Variants in DNAH14 observed in about 807,000 individuals in gnomAD.
The protein encoded by DNAH14 is axonemal beta dynein heavy chain 14.
A neutral mutation model predicts 520.9 loss-of-function variants in DNAH14; 478 were observed. The observed-to-expected ratio is 0.92, with a 90% confidence interval of 0.85 to 0.99. The LOEUF (loss-of-function observed/expected upper bound fraction) is 0.99. Ranked by LOEUF, DNAH14 falls within the 50% of genes least tolerant of loss-of-function variation. The pLI, the probability that DNAH14 is intolerant of heterozygous loss-of-function variation, is 0.00. For synonymous variants in DNAH14, 1,581 were observed against 1,757.2 expected (o/e 0.90, Z 2.51); for missense variants, 4,831 against 5,234.5 (o/e 0.92, Z 2.38).
intron 46 of DNAH14, among the ~76,000 whole-genome samples, chr1:225,261,807 T>C (rs1434103676): frequency 6.6e-6 from 1 of 152,092 alleles, no homozygotes; most frequent in African/African-American, 2.4e-5. Flanking sequence ...ACTGATTCAA[T>C]TTCTTTACTA....
At chr1:225,061,063 T>C (rs183444542) in intron 17 of DNAH14, among the ~76,000 whole-genome samples, 389 of 152,276 alleles carry the variant, frequency 2.6e-3, no homozygotes, top group African/African-American at 8.8e-3. Context: ...CATTTAAGTC[T>C]GCAGAGGATT....
At chr1:225,322,877 A>C (rs1423759965) in intron 62 of DNAH14, 54 bp downstream of exon 62, 1 of 1,419,280 alleles carries the variant, frequency 7.0e-7, no homozygotes, top group Non-Finnish European at 9.5e-7. Context: ...TGTGGGATCA[A>C]ACAGACCACC....
chr1:225,086,098 C>G (rs75627582), intron 21 of DNAH14, among the ~76,000 whole-genome samples: 8,885 of 151,084 alleles, frequency 0.059, 355 homozygotes, highest in Non-Finnish European at 0.078. Context: ...ACTGAGCAAC[C>G]CCACGTGTGG....
At chr1:225,028,835 G>T (rs772215920) in intron 11 of DNAH14, among the ~76,000 whole-genome samples, 2 of 152,010 alleles carry the variant, frequency 1.3e-5, no homozygotes, top group Non-Finnish European at 2.9e-5. Flanking sequence ...TGGAACTCTA[G>T]TACATGGCTG....
intron 41 of DNAH14, among the ~76,000 whole-genome samples, chr1:225,211,194 TAAC>T (rs2088358072): frequency 6.6e-6 from 1 of 152,288 alleles, no homozygotes; most frequent in Non-Finnish European, 1.5e-5. Flanking sequence ...AGGTGGGTAA[TAAC>T]AAACTCCTCT....
intron 28 of DNAH14, among the ~76,000 whole-genome samples, chr1:225,141,907 G>A (rs1300637285): frequency 2.0e-5 from 3 of 152,042 alleles, no homozygotes; most frequent in African/African-American, 4.8e-5. Context: ...ATAAATGTAC[G>A]GTTAGCATAA....
intron 61 of DNAH14, among the ~76,000 whole-genome samples, chr1:225,320,922 G>C (rs953559178): frequency 3.3e-5 from 5 of 152,078 alleles, no homozygotes; most frequent in Admixed American, 3.3e-4. Context: ...AAATTTCCTA[G>C]ATAATATATT....
At chr1:225,134,716 A>G (rs2078799532) in intron 27 of DNAH14, among the ~76,000 whole-genome samples, 1 of 152,130 alleles carries the variant, frequency 6.6e-6, no homozygotes, top group Non-Finnish European at 1.5e-5. Flanking sequence ...AGGTTTTGGT[A>G]TCAGGATGAT....
At chr1:225,325,090 C>G (rs1196983337) in intron 64 of DNAH14, among the ~76,000 whole-genome samples, 1 of 151,168 alleles carries the variant, frequency 6.6e-6, no homozygotes, top group African/African-American at 2.4e-5. Flanking sequence ...ACTATTTCAC[C>G]AAATTTCTCT....
chr1:225,248,230 A>G (rs1436467270), intron 43 of DNAH14, among the ~76,000 whole-genome samples: 1 of 152,178 alleles, frequency 6.6e-6, no homozygotes, highest in Non-Finnish European at 1.5e-5. Flanking sequence ...GTATTAAAGG[A>G]TGTACTTCAG....
rs768594871 is a variant in DNAH14, at chr1:224,960,261, C to T, written c.326C>T (p.Pro109Leu). The change falls in exon 4 of 86, where the codon CCA (proline) becomes CTA (leucine). Residue 109 changes from proline to leucine, a missense_variant. Pro to Leu is a moderately conservative substitution (Grantham distance 98, BLOSUM62 -3). Transcript: ENST00000682510. Reference protein sequence around the residue: ...RRKKDQTHACPNVRKARPVSY... With the variant: ...RRKKDQTHACLNVRKARPVSY... ...AAAAAGGATCAAACTCATGCTTGTC[C>T]AAATGTTAGGAAAGCCAGGCCTGTG... The T allele has an allele frequency of 7.5e-6, 12 of 1,610,644 alleles. No homozygotes were observed. The highest frequency in any genetic ancestry group is 1.7e-4 in the Middle Eastern group (1 of 6,058).
Position 225,240,830 on chromosome 1 carries a change from C to T in DNAH14, c.6748+8C>T. The T allele has an allele frequency of 1.3e-6, 2 of 1,521,280 alleles. No homozygotes were observed. The highest frequency in any genetic ancestry group is 1.8e-6 in the Non-Finnish European group (2 of 1,122,360). 94.2% of individuals were successfully genotyped at this position (1,521,280 alleles called of 1,614,324 possible). On this transcript the variant is annotated splice_region_variant and intron_variant, in intron 43 of 85. Coordinates refer to ENST00000682510, the MANE Select transcript of DNAH14 (RefSeq NM_001367479.1). ...GAAACAGTTCACAAGTAGGTAAGTT[C>T]TGTGGGAAAAATCATAACTATACTT...
chr1:225,178,961 C>G (rs1367016800), intron 36 of DNAH14, among the ~76,000 whole-genome samples: 3 of 152,156 alleles, frequency 2.0e-5, no homozygotes, highest in Non-Finnish European at 2.9e-5. Context: ...TTTTCCTGCA[C>G]AAACTCTTTT....
chr1:225,103,751 A>T (rs1358847376), intron 23 of DNAH14, among the ~76,000 whole-genome samples: 1 of 152,140 alleles, frequency 6.6e-6, no homozygotes, highest in African/African-American at 2.4e-5. Context: ...GTATCCTGAG[A>T]CTTTAATGAA....
intron 55 of DNAH14, among the ~76,000 whole-genome samples, chr1:225,298,203 G>A (rs1355775404): frequency 6.6e-6 from 1 of 151,984 alleles, no homozygotes; most frequent in African/African-American, 2.4e-5. Context: ...ATGTCTTCCA[G>A]GGGTGACCTG....
intron 26 of DNAH14, among the ~76,000 whole-genome samples, chr1:225,120,654 C>T (rs1453897449): frequency 6.6e-6 from 1 of 152,168 alleles, no homozygotes; most frequent in Non-Finnish European, 1.5e-5. Flanking sequence ...TGATCTCTTT[C>T]AGTGTCATAA....
intron 62 of DNAH14, 128 bp from the exon 63 acceptor site, chr1:225,324,094 G>C: frequency 1.7e-6 from 2 of 1,177,726 alleles, no homozygotes; most frequent in Non-Finnish European, 1.2e-6. Flanking sequence ...GGGTTTATAG[G>C]CATGAGCCGC....
chr1:224,941,111 T>C (rs1003925883), intron 1 of DNAH14, among the ~76,000 whole-genome samples: 1 of 152,250 alleles, frequency 6.6e-6, no homozygotes, highest in African/African-American at 2.4e-5. Context: ...TCCACAATGG[T>C]TGAACTAGTT....
intron 58 of DNAH14, among the ~76,000 whole-genome samples, 155 bp downstream of exon 58, chr1:225,305,244 T>C (rs1221745838): frequency 1.3e-5 from 2 of 152,030 alleles, no homozygotes; most frequent in Non-Finnish European, 2.9e-5. Context: ...AGGTTGACAT[T>C]CCCCCTGTGT....
Sources: allele counts gnomAD v4.1 joint callset (sites outside exome capture counted in the v4.1 genomes callset), GRCh38; gene constraint gnomAD v4.1.1; transcripts MANE v1.5; gene names NCBI Gene and HGNC (gene_info 2026-07-23, HGNC 2026-07-21).